FARS2: variants seen among roughly 807,000 people sequenced by gnomAD.
The protein encoded by FARS2 is phenylalanyl-tRNA synthetase 2, mitochondrial.
Under a neutral mutation model 46.4 loss-of-function variants are expected in FARS2, and 40 were observed. That is an observed-to-expected ratio of 0.86 (90% confidence interval 0.67 to 1.12). The LOEUF (loss-of-function observed/expected upper bound fraction) is 1.12, where lower values mean the gene tolerates loss of function less well. Among genes scored for constraint, FARS2 ranks in the 50% most tolerant of loss-of-function variants. The pLI is 0.00. For missense variants in FARS2, 513 were observed against 567.9 expected (o/e 0.90, Z 0.98); for synonymous variants, 234 against 214.9 (o/e 1.09, Z -0.78).
intron 1 of FARS2, among the ~76,000 whole-genome samples, chr6:5,274,375 C>T (rs760587584): frequency 1.1e-4 from 16 of 152,168 alleles, no homozygotes; most frequent in Non-Finnish European, 1.8e-4. Context: ...GGCATAGCCA[C>T]AAGACACAGA....
intron 4 of FARS2, among the ~76,000 whole-genome samples, chr6:5,495,642 C>T (rs1393506117): frequency 1.3e-5 from 2 of 152,208 alleles, no homozygotes; most frequent in Admixed American, 6.5e-5. Context: ...TCTAAATTTG[C>T]TCTTTTCTTT....
At chr6:5,661,845 T>A (rs1473768838) in intron 6 of FARS2, among the ~76,000 whole-genome samples, 2 of 146,378 alleles carry the variant, frequency 1.4e-5, no homozygotes, top group South Asian at 2.1e-4. Context: ...TGTAAAAGTG[T>A]AATAAACTTC....
chr6:5,527,289 A>G (rs368432423), intron 4 of FARS2, among the ~76,000 whole-genome samples: 6 of 152,370 alleles, frequency 3.9e-5, no homozygotes, highest in African/African-American at 1.4e-4. Flanking sequence ...CTGCCGTCCA[A>G]CGGCATATCT....
intron 4 of FARS2, among the ~76,000 whole-genome samples, chr6:5,432,672 C>G (rs991747627): frequency 6.6e-6 from 1 of 150,982 alleles, no homozygotes; most frequent in East Asian, 2.0e-4. Flanking sequence ...CGGCTCTGCT[C>G]CCTTAGAAGG....
chr6:5,422,727 C>G (rs542916956), intron 3 of FARS2, among the ~76,000 whole-genome samples: 105 of 152,234 alleles, frequency 6.9e-4, no homozygotes, highest in African/African-American at 2.5e-3. Flanking sequence ...TAGCACAGTG[C>G]CCAGCATATA....
At chr6:5,339,994 T>C (rs190953123) in intron 1 of FARS2, among the ~76,000 whole-genome samples, 3 of 152,362 alleles carry the variant, frequency 2.0e-5, no homozygotes, top group Non-Finnish European at 4.4e-5. Context: ...GTTTCTCTTA[T>C]GTGGCTATGG....
At chr6:5,760,169 C>G (rs1007723476) in intron 6 of FARS2, among the ~76,000 whole-genome samples, 2 of 152,170 alleles carry the variant, frequency 1.3e-5, no homozygotes, top group Admixed American at 1.3e-4. Context: ...TTAACGGACA[C>G]TGAGTCTTAA....
chr6:5,752,929 C>T (rs1405274805), intron 6 of FARS2, among the ~76,000 whole-genome samples: 1 of 152,080 alleles, frequency 6.6e-6, no homozygotes, highest in African/African-American at 2.4e-5. Context: ...GTGTGGTGTC[C>T]GGAGAGAACC....
chr6:5,468,836 G>A (rs1765655338), intron 4 of FARS2, among the ~76,000 whole-genome samples: 1 of 152,196 alleles, frequency 6.6e-6, no homozygotes, highest in African/African-American at 2.4e-5. Context: ...TGTCTTTACA[G>A]GGTAATGTAT....
chr6:5,317,109 G>A (rs542074384), intron 1 of FARS2, among the ~76,000 whole-genome samples: 3 of 152,318 alleles, frequency 2.0e-5, no homozygotes, highest in Admixed American at 6.5e-5. Flanking sequence ...AAGGGTTAAA[G>A]GAGACCAAAC....
chr6:5,490,863 C>G (rs970428028), intron 4 of FARS2, among the ~76,000 whole-genome samples: 1 of 152,206 alleles, frequency 6.6e-6, no homozygotes. Context: ...GATATCCAAC[C>G]AGTTATACCT....
chr6:5,302,323 C>T (rs1291218186), intron 1 of FARS2, among the ~76,000 whole-genome samples: 1 of 152,138 alleles, frequency 6.6e-6, no homozygotes, highest in African/African-American at 2.4e-5. Context: ...AGGCAGTGCC[C>T]ATGTCGGTCT....
At chr6:5,373,338 A>G (rs1487970230) in intron 2 of FARS2, among the ~76,000 whole-genome samples, 1 of 152,118 alleles carries the variant, frequency 6.6e-6, no homozygotes, top group Non-Finnish European at 1.5e-5. Flanking sequence ...TGGATTAGAC[A>G]TTAATATAAA....
intron 4 of FARS2, among the ~76,000 whole-genome samples, chr6:5,540,734 C>G (rs73719634): frequency 5.9e-5 from 9 of 152,132 alleles, no homozygotes; most frequent in African/African-American, 2.2e-4. Context: ...GTGATAGTTG[C>G]TAATAGAAAT....
intron 6 of FARS2, among the ~76,000 whole-genome samples, chr6:5,659,069 C>T (rs1446823497): frequency 6.6e-6 from 1 of 152,174 alleles, no homozygotes; most frequent in African/African-American, 2.4e-5. Flanking sequence ...TTAGCAGTAC[C>T]TCATATGACT....
chr6:5,253,092 T>A, the FARS2 span, among the ~76,000 whole-genome samples: 1 of 152,226 alleles, frequency 6.6e-6, no homozygotes, highest in East Asian at 1.9e-4. Context: ...AATAGGAGGC[T>A]CATTTTGATC....
At chr6:5,581,018 C>T (rs1188695833) in intron 5 of FARS2, among the ~76,000 whole-genome samples, 4 of 152,230 alleles carry the variant, frequency 2.6e-5, no homozygotes, top group African/African-American at 9.6e-5. Context: ...GAATTCACAG[C>T]AGCATGACAG....
intron 4 of FARS2, among the ~76,000 whole-genome samples, chr6:5,537,735 C>T (rs1295008995): frequency 7.9e-5 from 12 of 152,342 alleles, no homozygotes; most frequent in Non-Finnish European, 1.5e-4. Flanking sequence ...GCTTGTAGAG[C>T]CAGCTGCTGC....
At chr6:5,260,598 T>TGCCCCGGCCCCCGGGC, upstream of FARS2, 2 of 1,105,570 alleles carry the variant, frequency 1.8e-6, no homozygotes, top group Non-Finnish European at 2.6e-6. Flanking sequence ...GCACCCCCGG[T>TGCCCCGGCCCCCGGGC]CCCCGGCCCC....
Sources: gnomAD v4.1 joint callset for allele counts (sites outside exome capture counted in the v4.1 genomes callset) on GRCh38, gnomAD v4.1.1 for gene constraint, MANE v1.5 for transcripts, NCBI Gene and HGNC (gene_info 2026-07-23, HGNC 2026-07-21) for gene names.